DNAI2: variants seen among roughly 807,000 people sequenced by gnomAD.
The protein encoded by DNAI2 is dynein, axonemal, intermediate polypeptide 2.
A neutral mutation model predicts 74.7 loss-of-function variants in DNAI2; 63 were observed. That is an observed-to-expected ratio of 0.84 (90% CI 0.69 to 1.04). The LOEUF (loss-of-function observed/expected upper bound fraction) is 1.04, where lower values mean the gene tolerates loss of function less well. DNAI2 is among the 50% of genes least tolerant of loss of function. The pLI, the probability that DNAI2 is intolerant of heterozygous loss-of-function variation, is 0.00. For synonymous variants in DNAI2, 289 were observed against 314.9 expected (o/e 0.92, Z 0.87); for missense variants, 688 against 803.2 (o/e 0.86, Z 1.73).
At chr17:74,287,665 G>A (rs1017425177) in intron 4 of DNAI2, among the ~76,000 whole-genome samples, 3 of 152,216 alleles carry the variant, frequency 2.0e-5, no homozygotes, top group Non-Finnish European at 4.4e-5. Flanking sequence ...GGTAAAGCGA[G>A]CGGGGCAGTC....
At position 74,305,433 on chromosome 17, in the gene DNAI2, T is replaced by C. The variant is rs146769635; in HGVS notation, c.1202T>C (p.Met401Thr). 4.5e-5 allele frequency: 72 copies of C among 1,613,944 alleles called. No individual in the cohort carries two copies. In the African/African-American group the frequency reaches 7.2e-4, roughly 16 times the overall value. ...GAAGACAGCCGGGAATCGTCCATCA[T>C]GTGGACCAAGTAAGAGGCGATGCTG... The part of the protein sequence containing the change: ...WSEDSRESSI[M>T]WTKYHMAYLT... The change falls in exon 9 of 14, where the codon ATG becomes ACG. Residue 401 changes from methionine to threonine, a missense_variant. Physicochemically the swap from Met to Thr is moderately conservative, Grantham distance 81. Transcript: ENST00000311014.
chr17:74,314,326 G>T, intron 13 of DNAI2, 55 bp downstream of exon 13: 1 of 1,595,882 alleles, frequency 6.3e-7, no homozygotes, highest in Non-Finnish European at 8.6e-7. Flanking sequence ...AGCAGCACTG[G>T]GTGGTGGGCT....
chr17:74,281,892 C>T lies in DNAI2; in HGVS notation c.75C>T (p.Ala25=), dbSNP rs749172812. The T allele has an allele frequency of 1.2e-6, 2 of 1,614,006 alleles. No individual in the cohort carries two copies. The highest frequency in any genetic ancestry group is 1.3e-5 in the African/African-American group (1 of 74,914). The change falls in exon 2 of 14, where the codon GCC becomes GCT. Residue 25 remains alanine (A), a synonymous_variant. Transcript: ENST00000311014. ...GKQCNFSDRQ[A]ELNIDIMPNP... ...AGTGCAATTTCTCGGACCGCCAGGC[C>T]GAGCTGAACATCGACATCATGCCCA...
rs148073122 is a variant in DNAI2, at chr17:74,281,951, A to G, written c.134A>G (p.Asn45Ser). Reference sequence around the variant, plus strand: ...CTGGCCGAGCAGTTCGTGGAGCGGAACCCAGTGGACACGGGCATCCAGTGC... The same window carrying G: ...CTGGCCGAGCAGTTCGTGGAGCGGAGCCCAGTGGACACGGGCATCCAGTGC... ...PELAEQFVER[N>S]PVDTGIQCSI... Residue 45 changes from asparagine to serine, a missense_variant, in exon 2 of 14, where the codon AAC becomes AGC. By Grantham distance (46) the Asn-to-Ser change is conservative. Transcript: ENST00000311014. The G allele has an allele frequency of 2.2e-4, 350 of 1,614,092 alleles. 2 individuals carry two copies. The highest frequency in any genetic ancestry group is 1.3e-3 in the South Asian group (122 of 91,084).
At chr17:74,296,381 GA>G (rs1381292913) in intron 6 of DNAI2, among the ~76,000 whole-genome samples, 3 of 67,036 alleles carry the variant, frequency 4.5e-5, no homozygotes, top group Non-Finnish European at 4.5e-5. Context: ...GGGAGGGAGG[GA>G]GAGAGAGAGA....
At position 74,294,502 on chromosome 17, in the gene DNAI2, G is replaced by A; in HGVS notation, c.724+3369G>A. Among the ~76,000 whole-genome samples the A allele has an allele frequency of 3.3e-5, 5 of 151,992 alleles. No individual in the cohort carries two copies. The South Asian group carries it at 1.0e-3, about 32-fold the overall frequency. Reference sequence around the variant, plus strand: ...TTTTTTATTTTTTAATTTTTGTAGAGATAGGGTCTTGCTATGTTGCCCAGG... The same window carrying A: ...TTTTTTATTTTTTAATTTTTGTAGAAATAGGGTCTTGCTATGTTGCCCAGG... On this transcript the variant is annotated intron_variant, in intron 6 of 13. Transcript: ENST00000311014.
rs763011642 is a variant in DNAI2 at position 74,309,396 on chromosome 17, G to A, written c.1347+8G>A. On this transcript the variant is annotated splice_region_variant and intron_variant, in intron 10 of 13. Coordinates refer to ENST00000311014, the MANE Select transcript of DNAI2 (RefSeq NM_023036.6). ...CCCACCCTCAGCTTGAAGGTCACGC[G>A]CATGTCCCTCCTTGTGCATCCAGGT... The A allele has an allele frequency of 4.3e-6, 7 of 1,614,004 alleles. No homozygotes were observed. Among genetic ancestry groups the A allele is most frequent in the East Asian group, 2.2e-5 (1 of 44,886 alleles).
intron 1 of DNAI2, 42 bp from the exon 2 acceptor site, chr17:74,281,765 C>T: frequency 6.3e-7 from 1 of 1,586,964 alleles, no homozygotes; most frequent in Non-Finnish European, 8.6e-7. Flanking sequence ...AGGGAAGGGG[C>T]CGGTGGGGTC....
Position 74,309,393 on chromosome 17 carries a change from C to A in DNAI2, c.1347+5C>A. On this transcript the variant is annotated splice_donor_5th_base_variant and intron_variant, in intron 10 of 13. Transcript: ENST00000311014. ...GATCCCACCCTCAGCTTGAAGGTCA[C>A]GCGCATGTCCCTCCTTGTGCATCCA... is the stretch of plus-strand genomic sequence containing the variant. The A allele has an allele frequency of 6.2e-7, 1 of 1,614,142 alleles. No individual in the cohort carries two copies. Among genetic ancestry groups the A allele is most frequent in the Non-Finnish European group, 8.5e-7 (1 of 1,180,012 alleles).
At chr17:74,295,878 T>TAAGCAA (rs913824677) in intron 6 of DNAI2, among the ~76,000 whole-genome samples, 3 of 152,202 alleles carry the variant, frequency 2.0e-5, no homozygotes, top group African/African-American at 7.2e-5. Flanking sequence ...AAGATTTCCT[T>TAAGCAA]AAGCATTTGT....
chr17:74,277,510 T>A (rs2051163686), intron 1 of DNAI2, among the ~76,000 whole-genome samples: 1 of 152,026 alleles, frequency 6.6e-6, no homozygotes, highest in Non-Finnish European at 1.5e-5. Context: ...CAAGACACAA[T>A]GTATATGGAT....
rs1344934588 is a variant in DNAI2 at position 74,305,259 on chromosome 17, TCTC to T, written c.1031_1033del (p.Ser344del). 1 of 1,614,058 alleles carries T rather than the reference TCTC, an allele frequency of 6.2e-7. No homozygotes were observed. Among genetic ancestry groups the T allele is most frequent in the Non-Finnish European group, 8.5e-7 (1 of 1,180,030 alleles). ...GTGGGGACCGAGCAGGGCATCGTCATCTCCTGCAACCGCAAGGCCAAGACGTCA... is the reference window on the plus strand; with the variant it reads ...GTGGGGACCGAGCAGGGCATCGTCATCTGCAACCGCAAGGCCAAGACGTCA... On this transcript the variant is annotated inframe_deletion, in exon 9 of 14. Transcript: ENST00000311014.
At position 74,309,260 on chromosome 17, in the gene DNAI2, A is replaced by G. The variant is rs2053365120; in HGVS notation, c.1219A>G (p.Met407Val). 2 of 1,614,054 alleles carry G rather than the reference A, an allele frequency of 1.2e-6. No individual in the cohort carries two copies. The highest frequency in any genetic ancestry group is 2.2e-5 in the East Asian group (1 of 44,880). ...ESSIMWTKYH[M>V]AYLTDAAWSP... The stretch of plus-strand genomic sequence containing the variant: ...GTGGTCTACCTCCCACAGGTACCAC[A>G]TGGCTTACCTCACTGATGCTGCCTG... Residue 407 changes from methionine to valine, a missense_variant, in exon 10 of 14, where the codon ATG becomes GTG. Physicochemically the swap from Met to Val is conservative, Grantham distance 21 (BLOSUM62 1). Coordinates refer to ENST00000311014, the MANE Select transcript of DNAI2 (RefSeq NM_023036.6).
rs764732760 is a variant in DNAI2, at chr17:74,276,159, C to T, written c.-12+1814C>T. ...GAAAACACACTTTCCCTTAAGCCACCGGAGGTTCTCTCCAGGAATTACTTT... is the reference window on the plus strand; with the variant it reads ...GAAAACACACTTTCCCTTAAGCCACTGGAGGTTCTCTCCAGGAATTACTTT... On this transcript the variant is annotated intron_variant, in intron 1 of 13. Coordinates refer to ENST00000311014, the MANE Select transcript of DNAI2 (RefSeq NM_023036.6). 1.1e-4 allele frequency among the ~76,000 whole-genome samples: 16 copies of T among 152,082 alleles called. 1 individual carries two copies. Among genetic ancestry groups the T allele is most frequent in the Admixed American group, 7.2e-4 (11 of 15,274 alleles).
intron 7 of DNAI2, 51 bp downstream of exon 7, chr17:74,299,908 T>A: frequency 1.9e-6 from 3 of 1,609,944 alleles, no homozygotes; most frequent in Non-Finnish European, 2.5e-6. Flanking sequence ...GGGCAGTAAC[T>A]GTTCCCTGGT....
chr17:74,314,371 A>G, intron 13 of DNAI2, 100 bp downstream of exon 13: 4 of 1,463,184 alleles, frequency 2.7e-6, no homozygotes, highest in Non-Finnish European at 3.8e-6. Flanking sequence ...AGCCCCTACA[A>G]ATCACTAGCC....
At chr17:74,298,404 G>T (rs577952653) in intron 6 of DNAI2, among the ~76,000 whole-genome samples, 1 of 152,020 alleles carries the variant, frequency 6.6e-6, no homozygotes, top group East Asian at 1.9e-4. Flanking sequence ...TCCCAGGTGC[G>T]AGTGATTCTC....
intron 10 of DNAI2, chr17:74,309,740 C>A: frequency 1.6e-6 from 1 of 630,866 alleles, no homozygotes; most frequent in Non-Finnish European, 2.8e-6. Flanking sequence ...GTGGCCAGAG[C>A]TGAGCCCCAC....
chr17:74,281,694 C>T, intron 1 of DNAI2, 113 bp from the exon 2 acceptor site: 2 of 1,074,070 alleles, frequency 1.9e-6, no homozygotes, highest in Non-Finnish European at 2.8e-6. Context: ...CCCACCACCC[C>T]TTGCTTCCTG....
Sources: allele counts gnomAD v4.1 joint callset (sites outside exome capture counted in the v4.1 genomes callset), GRCh38; gene constraint gnomAD v4.1.1; transcripts MANE v1.5; gene names NCBI Gene and HGNC (gene_info 2026-07-23, HGNC 2026-07-21).